Variants in PLA2G12B observed in about 807,000 individuals in gnomAD.
The protein encoded by PLA2G12B is group XIIB secretory phospholipase A2-like protein.
PLA2G12B carries 19 observed loss-of-function variants against 22.3 expected under a neutral mutation model. That is an observed-to-expected ratio of 0.85 (90% CI 0.60 to 1.25). The LOEUF (loss-of-function observed/expected upper bound fraction) is 1.25, where lower values mean the gene tolerates loss of function less well. Among genes scored for constraint, PLA2G12B ranks in the 50% most tolerant of loss-of-function variants. The probability of loss-of-function intolerance (pLI) is 0.00; values close to 1 mark genes in which losing one functional copy is unlikely to be tolerated. For missense variants in PLA2G12B, 191 were observed against 246.6 expected, an observed-to-expected ratio of 0.77 and a Z score of 1.51; for synonymous variants, 81 against 94.9, an observed-to-expected ratio of 0.85 and a Z score of 0.85.
intron 1 of PLA2G12B, among the ~76,000 whole-genome samples, chr10:72,953,188 A>G (rs1476573571): frequency 6.6e-6 from 1 of 152,266 alleles, no homozygotes; most frequent in Non-Finnish European, 1.5e-5. Flanking sequence ...AAACTTTCAC[A>G]AAGAAGCTGC....
At chr10:72,945,386 C>T (rs1406479847) in intron 1 of PLA2G12B, among the ~76,000 whole-genome samples, 3 of 152,108 alleles carry the variant, frequency 2.0e-5, no homozygotes, top group South Asian at 2.1e-4. Context: ...AAGACCCATG[C>T]GGCAAAGAAC....
intron 3 of PLA2G12B, among the ~76,000 whole-genome samples, chr10:72,938,875 G>A (rs1846317687): frequency 6.6e-6 from 1 of 152,206 alleles, no homozygotes; most frequent in African/African-American, 2.4e-5. Flanking sequence ...AGTCTTGACA[G>A]AAAAGTACAC....
At chr10:72,950,993 T>C (rs980462173) in intron 1 of PLA2G12B, among the ~76,000 whole-genome samples, 32 of 152,188 alleles carry the variant, frequency 2.1e-4, no homozygotes, top group African/African-American at 7.7e-4. Context: ...ATTTCTGGGA[T>C]TTTTCATTTT....
At position 72,942,664 on chromosome 10, in the gene PLA2G12B, C is replaced by T. The variant is rs1241269426; in HGVS notation, c.288G>A (p.Lys96=). The change falls in exon 2 of 4, where the codon AAG becomes AAA. Residue 96 remains lysine, a synonymous_variant. Coordinates refer to ENST00000373032, the MANE Select transcript of PLA2G12B (RefSeq NM_032562.5). ...TGGCAGTACATACACTTTCTGGTAC[C>T]TTGAGACCCAGGAAATAGGAGCCGC... ...NGCGSYFLGL[K]VPESMDLGIP... The T allele has an allele frequency of 6.2e-7, 1 of 1,605,030 alleles. No homozygotes were observed. Among genetic ancestry groups the T allele is most frequent in the Middle Eastern group, 1.8e-4 (1 of 5,564 alleles).
rs373802616 is a variant in PLA2G12B, at chr10:72,935,653, A to G, written c.552T>C (p.Ala184=). The G allele has an allele frequency of 1.9e-6, 3 of 1,614,238 alleles. No homozygotes were observed. Among genetic ancestry groups the G allele is most frequent in the Non-Finnish European group, 2.5e-6 (3 of 1,180,036 alleles). The part of the protein sequence containing the change: ...CRPFMNSQRA[A]CICAEEEKEE... ...CCTTCTCCTCCTCTGCACAGATGCAAGCTGCCCGCTGACTATTCATAAAGG... is the reference window on the plus strand; with the variant it reads ...CCTTCTCCTCCTCTGCACAGATGCAGGCTGCCCGCTGACTATTCATAAAGG... Residue 184 remains alanine, a synonymous_variant, in exon 4 of 4, where the codon GCT becomes GCC. Transcript: ENST00000373032.
intron 1 of PLA2G12B, among the ~76,000 whole-genome samples, chr10:72,951,867 A>C (rs956712229): frequency 6.6e-6 from 1 of 152,220 alleles, no homozygotes; most frequent in African/African-American, 2.4e-5. Context: ...GTGTGTTGGC[A>C]TGAGAACAAA....
chr10:72,939,619 G>A (rs1322214693), intron 3 of PLA2G12B, among the ~76,000 whole-genome samples: 1 of 151,784 alleles, frequency 6.6e-6, no homozygotes, highest in African/African-American at 2.4e-5. Flanking sequence ...ATCTGAAAAT[G>A]CTTTGTGATG....
intron 1 of PLA2G12B, among the ~76,000 whole-genome samples, chr10:72,944,115 C>T (rs1409346885): frequency 1.3e-5 from 2 of 150,510 alleles, no homozygotes; most frequent in Non-Finnish European, 3.0e-5. Context: ...TTCCTTCCTT[C>T]TTCTCCTACC....
At chr10:72,951,228 C>T (rs1317622475) in intron 1 of PLA2G12B, among the ~76,000 whole-genome samples, 1 of 152,096 alleles carries the variant, frequency 6.6e-6, no homozygotes, top group Admixed American at 6.6e-5. Context: ...TCAGATAACT[C>T]ACCCAAGGTC....
rs749187598 is a variant in PLA2G12B, at chr10:72,954,499, C to A, written c.187G>T (p.Val63Phe). The A allele has an allele frequency of 1.2e-6, 2 of 1,614,224 alleles. No individual in the cohort carries two copies. Among genetic ancestry groups the A allele is most frequent in the Non-Finnish European group, 1.7e-6 (2 of 1,180,040 alleles). Residue 63 changes from valine (V) to phenylalanine (F), a missense_variant, in exon 1 of 4, where the codon GTC becomes TTC. Physicochemically the swap from Val to Phe is conservative, Grantham distance 50. Transcript: ENST00000373032. ...CCATATCGGCACCTGTACTGACAGA[C>A]TCCATTCTTCCCTCCCAGCAGCTCC... is the stretch of plus-strand genomic sequence containing the variant. ...FLELLGGKNG[V>F]CQYRCRYGKA...
chr10:72,954,567 C>T lies in PLA2G12B; in HGVS notation c.119G>A (p.Arg40Gln), dbSNP rs376569180. Residue 40 changes from arginine (R) to glutamine (Q), a missense_variant, in exon 1 of 4, where the codon CGG (arginine) becomes CAG (glutamine). Arg to Gln is a conservative substitution (Grantham distance 43). Coordinates refer to ENST00000373032, the MANE Select transcript of PLA2G12B (RefSeq NM_032562.5). ...SYSDWGLRHLRGSFESVNSYF... is the reference protein window; with the variant it reads ...SYSDWGLRHLQGSFESVNSYF... Reference sequence around the variant, plus strand: ...GCTATTGACGGATTCAAAGCTTCCCCGGAGGTGCCGAAGGCCCCAGTCTGA... The same window carrying T: ...GCTATTGACGGATTCAAAGCTTCCCTGGAGGTGCCGAAGGCCCCAGTCTGA... The T allele has an allele frequency of 6.2e-6, 10 of 1,614,090 alleles. No homozygotes were observed. The highest frequency in any genetic ancestry group is 1.3e-5 in the African/African-American group (1 of 74,934).
At chr10:72,936,371 G>A (rs1426607872) in intron 3 of PLA2G12B, among the ~76,000 whole-genome samples, 2 of 152,192 alleles carry the variant, frequency 1.3e-5, no homozygotes, top group Non-Finnish European at 2.9e-5. Context: ...GGGTTATTAG[G>A]AGAGGTATCT....
At chr10:72,951,681 G>A (rs183675001) in intron 1 of PLA2G12B, among the ~76,000 whole-genome samples, 24 of 152,098 alleles carry the variant, frequency 1.6e-4, no homozygotes, top group African/African-American at 4.3e-4. Flanking sequence ...GGATGGTCTC[G>A]ATCTCCTGAC....
chr10:72,936,501 C>T (rs1270281639), intron 3 of PLA2G12B, among the ~76,000 whole-genome samples: 2 of 152,124 alleles, frequency 1.3e-5, no homozygotes, highest in African/African-American at 4.8e-5. Flanking sequence ...AAGCCAGACA[C>T]AAAAGGCCAC....
intron 1 of PLA2G12B, among the ~76,000 whole-genome samples, chr10:72,943,243 G>C (rs1463294646): frequency 2.0e-5 from 3 of 152,308 alleles, no homozygotes; most frequent in African/African-American, 7.2e-5. Context: ...TGGGATTACA[G>C]GCGTGAGCCA....
chr10:72,936,152 T>C (rs1463016463), intron 3 of PLA2G12B, among the ~76,000 whole-genome samples: 1 of 152,104 alleles, frequency 6.6e-6, no homozygotes, highest in Non-Finnish European at 1.5e-5. Context: ...CATTCATTGA[T>C]GGAAAAACAT....
At chr10:72,951,707 C>G (rs572360081) in intron 1 of PLA2G12B, among the ~76,000 whole-genome samples, 4 of 152,236 alleles carry the variant, frequency 2.6e-5, no homozygotes, top group Admixed American at 1.3e-4. Context: ...GATCTGCCTG[C>G]CTTGGCCTCC....
At chr10:72,938,771 C>A (rs529879285) in intron 3 of PLA2G12B, among the ~76,000 whole-genome samples, 20 of 152,254 alleles carry the variant, frequency 1.3e-4, no homozygotes, top group Admixed American at 5.2e-4. Flanking sequence ...TCAACCATAA[C>A]CCTCTCAAAA....
intron 1 of PLA2G12B, 146 bp downstream of exon 1, chr10:72,954,329 C>T: frequency 1.1e-6 from 1 of 905,118 alleles, no homozygotes; most frequent in South Asian, 1.6e-5. Context: ...TTTCACATTT[C>T]ACTGGGTGTC....
Sources: gnomAD v4.1 joint callset for allele counts (sites outside exome capture counted in the v4.1 genomes callset) on GRCh38, gnomAD v4.1.1 for gene constraint, MANE v1.5 for transcripts, NCBI Gene and HGNC (gene_info 2026-07-23, HGNC 2026-07-21) for gene names.